Variants in DCDC1 observed in about 807,000 individuals in gnomAD.
DCDC1 encodes doublecortin domain-containing protein 1.
DCDC1 carries 200 observed loss-of-function variants against 178.3 expected under a neutral mutation model. The ratio of observed to expected loss-of-function variants is 1.12; its 90% CI spans 1.00 to 1.26. The LOEUF is 1.26. DCDC1 is among the 50% of genes most tolerant of loss of function. The pLI is 0.00. For missense variants in DCDC1, 1,983 were observed against 1,749.2 expected, an observed-to-expected ratio of 1.13 and a Z score of -2.38; for synonymous variants, 690 against 604.8, an observed-to-expected ratio of 1.14 and a Z score of -2.07.
rs72156406 is a variant in DCDC1 at position 31,315,306 on chromosome 11, C to CTTTT, written c.165-7402_165-7399dup. Reference sequence around the variant, plus strand: ...CTTCCATAGTTCCTATTTGCATACCCTTTTTTTTTTTTTTTTTTTTTTTTT... The same window carrying CTTTT: ...CTTCCATAGTTCCTATTTGCATACCCTTTTTTTTTTTTTTTTTTTTTTTTTTTTT... On this transcript the variant is annotated intron_variant, in intron 3 of 38. Transcript: ENST00000684477. 4.8e-3 allele frequency among the ~76,000 whole-genome samples: 296 copies of CTTTT among 62,220 alleles called. 43 individuals carry two copies. The Middle Eastern group carries it at 0.048, about 10-fold the overall frequency. The allele number at this position is 62,220 out of a possible 152,430, so 40.8% of individuals were successfully genotyped here. A position where few individuals can be genotyped will look rare whatever the true frequency, so the allele number is the denominator to read the frequency against.
chr11:31,329,978 G>T (rs1244309372), intron 2 of DCDC1, among the ~76,000 whole-genome samples: 2 of 152,192 alleles, frequency 1.3e-5, no homozygotes, highest in Non-Finnish European at 2.9e-5. Context: ...TCGCCACACT[G>T]TCCTCCACAA....
chr11:31,355,019 T>G (rs1355776433), intron 1 of DCDC1, among the ~76,000 whole-genome samples: 1 of 151,826 alleles, frequency 6.6e-6, no homozygotes, highest in East Asian at 1.9e-4. Flanking sequence ...GCAACACCAC[T>G]GTAAATATAA....
At chr11:31,042,711 G>C (rs957123232) in intron 20 of DCDC1, among the ~76,000 whole-genome samples, 1 of 152,154 alleles carries the variant, frequency 6.6e-6, no homozygotes, top group South Asian at 2.1e-4. Context: ...GAAAGACACG[G>C]TTGTGGACGT....
intron 3 of DCDC1, among the ~76,000 whole-genome samples, chr11:31,326,855 G>A (rs1162667287): frequency 1.3e-5 from 2 of 152,080 alleles, no homozygotes; most frequent in Non-Finnish European, 2.9e-5. Context: ...TATAGTCTCA[G>A]TTTTCTATTT....
At chr11:31,057,682 TA>T (rs1217853251) in intron 20 of DCDC1, among the ~76,000 whole-genome samples, 1 of 152,034 alleles carries the variant, frequency 6.6e-6, no homozygotes, top group Non-Finnish European at 1.5e-5. Context: ...ACAAGCAAAC[TA>T]GCATGGGCCA....
intron 17 of DCDC1, among the ~76,000 whole-genome samples, chr11:31,087,550 C>T (rs1036604168): frequency 5.9e-5 from 9 of 152,004 alleles, no homozygotes; most frequent in African/African-American, 9.7e-5. Context: ...CATTTTCATT[C>T]AGTTCAAAAT....
intron 9 of DCDC1, among the ~76,000 whole-genome samples, chr11:31,232,654 G>T (rs1297944467): frequency 6.6e-6 from 1 of 152,082 alleles, no homozygotes; most frequent in Non-Finnish European, 1.5e-5. Context: ...ATGAAGATAG[G>T]CTTTAGTGCC....
In DCDC1 at chr11:30,981,340, T is replaced by C. The variant is rs142114171; in HGVS notation, c.2592-28772A>G. ...TGCACATGTACCCCATGAATTAAAA[T>C]AAATTTTAAAAAGAATACCTACTTC... On this transcript the variant is annotated intron_variant, in intron 20 of 38. Coordinates refer to ENST00000684477, the MANE Select transcript of DCDC1 (RefSeq NM_001387274.1). Among the ~76,000 whole-genome samples, 134 of 152,232 alleles carry C rather than the reference T, an allele frequency of 8.8e-4. 1 individual carries two copies. The highest frequency in any genetic ancestry group is 1.6e-3 in the Admixed American group (25 of 15,286).
rs752278042 is a variant in DCDC1, at chr11:31,091,522, A to C, written c.2119-11T>G. The stretch of plus-strand genomic sequence containing the variant: ...CAGGATCATTCCAGTCTTCCAATGA[A>C]TAGAGAGGGGGAGAAAGGTCTAAAT... On this transcript the variant is annotated splice_polypyrimidine_tract_variant and intron_variant, in intron 16 of 38. Coordinates refer to ENST00000684477, the MANE Select transcript of DCDC1 (RefSeq NM_001387274.1). 2 of 738,112 alleles carry C rather than the reference A, an allele frequency of 2.7e-6. No individual in the cohort carries two copies. Among genetic ancestry groups the C allele is most frequent in the African/African-American group, 3.4e-5 (2 of 58,574 alleles). 45.7% of individuals were successfully genotyped at this position (738,112 alleles called of 1,614,324 possible). A position where few individuals can be genotyped will look rare whatever the true frequency, so the allele number is the denominator to read the frequency against.
At chr11:31,173,454 AT>A (rs1967524401) in intron 9 of DCDC1, among the ~76,000 whole-genome samples, 2 of 152,236 alleles carry the variant, frequency 1.3e-5, no homozygotes, top group Non-Finnish European at 2.9e-5. Context: ...TCCAACACTT[AT>A]TTCAGTAACA....
intron 38 of DCDC1, among the ~76,000 whole-genome samples, chr11:30,869,632 CCA>C (rs1363254743): frequency 1.3e-5 from 2 of 152,000 alleles, no homozygotes; most frequent in African/African-American, 4.8e-5. Flanking sequence ...AGGAAGTTCC[CCA>C]CACAGTCATA....
At chr11:31,258,860 T>C (rs888866772) in intron 8 of DCDC1, among the ~76,000 whole-genome samples, 4 of 152,164 alleles carry the variant, frequency 2.6e-5, no homozygotes, top group Admixed American at 6.6e-5. Flanking sequence ...TAAGACAAGA[T>C]GGATGCTATG....
intron 20 of DCDC1, among the ~76,000 whole-genome samples, chr11:31,014,205 T>TTCTCTC (rs935055426): frequency 6.7e-6 from 1 of 149,564 alleles, no homozygotes; most frequent in Non-Finnish European, 1.5e-5. Context: ...CACTCTCTCT[T>TTCTCTC]TCTCTCTCTC....
At chr11:30,969,019 T>C (rs1030931473) in intron 20 of DCDC1, among the ~76,000 whole-genome samples, 1 of 152,042 alleles carries the variant, frequency 6.6e-6, no homozygotes, top group African/African-American at 2.4e-5. Flanking sequence ...TGAAATTCCA[T>C]CATTGCCAAT....
At chr11:31,173,791 T>C (rs1967590013) in intron 9 of DCDC1, among the ~76,000 whole-genome samples, 2 of 151,886 alleles carry the variant, frequency 1.3e-5, no homozygotes, top group Non-Finnish European at 2.9e-5. Context: ...TTTTTAGACA[T>C]CTTTTTTGGG....
intron 2 of DCDC1, 127 bp downstream of exon 2, chr11:31,335,320 G>A (rs560062027): frequency 3.3e-5 from 5 of 152,256 alleles, no homozygotes; most frequent in African/African-American, 4.8e-5. Flanking sequence ...GGCTTCCCTT[G>A]GCTAGGAAGG....
intron 8 of DCDC1, among the ~76,000 whole-genome samples, chr11:31,249,673 G>C (rs889088020): frequency 2.6e-5 from 4 of 152,116 alleles, no homozygotes; most frequent in Non-Finnish European, 4.4e-5. Context: ...TCTTGCCCTA[G>C]AGAGATTTAA....
At chr11:30,958,656 G>A (rs778018464) in intron 20 of DCDC1, among the ~76,000 whole-genome samples, 11 of 152,042 alleles carry the variant, frequency 7.2e-5, no homozygotes, top group Admixed American at 2.0e-4. Context: ...AGAATACATG[G>A]GTTCAGAAAC....
chr11:31,102,554 T>C (rs1009925238), intron 14 of DCDC1, among the ~76,000 whole-genome samples: 8 of 152,156 alleles, frequency 5.3e-5, no homozygotes, highest in African/African-American at 1.9e-4. Flanking sequence ...CTTTTGGTTC[T>C]CTGTATTTGC....
Sources: allele counts gnomAD v4.1 joint callset (sites outside exome capture counted in the v4.1 genomes callset), GRCh38; gene constraint gnomAD v4.1.1; transcripts MANE v1.5; gene names NCBI Gene and HGNC (gene_info 2026-07-23, HGNC 2026-07-21).